COL5A3: variants seen among roughly 807,000 people sequenced by gnomAD.
The protein encoded by COL5A3 is collagen type V alpha 3 chain.
Under a neutral mutation model 250.0 loss-of-function variants are expected in COL5A3, and 172 were observed. That is an observed-to-expected ratio of 0.69 (90% CI 0.61 to 0.78). COL5A3 has a LOEUF of 0.78. Ranked by LOEUF, COL5A3 falls within the 30% of genes least tolerant of loss-of-function variation. COL5A3 has a pLI of 0.00. For missense variants in COL5A3, 2,340 were observed against 2,334.4 expected, an observed-to-expected ratio of 1.00 and a Z score of -0.05; for synonymous variants, 937 against 900.4, an observed-to-expected ratio of 1.04 and a Z score of -0.73.
Position 10,005,776 on chromosome 19 carries a change from C to T in COL5A3, c.437+20G>A. 1.2e-6 allele frequency: 2 copies of T among 1,602,448 alleles called. No homozygotes were observed. Among genetic ancestry groups the T allele is most frequent in the Non-Finnish European group, 1.7e-6 (2 of 1,172,284 alleles). The stretch of plus-strand genomic sequence containing the variant: ...CCCACCCCTTATCCACGGACCCCCG[C>T]CCACTCTCCCCATGCTCACCTGCCA... On this transcript the variant is annotated intron_variant, in intron 3 of 66. Coordinates refer to ENST00000264828, the MANE Select transcript of COL5A3 (RefSeq NM_015719.4).
chr19:9,998,243 C>A, intron 8 of COL5A3, 94 bp from the exon 9 acceptor site: 8 of 1,180,498 alleles, frequency 6.8e-6, no homozygotes, highest in Non-Finnish European at 9.7e-6. Flanking sequence ...CACACACACA[C>A]ACACACACAC....
intron 51 of COL5A3, among the ~76,000 whole-genome samples, chr19:9,972,165 A>C (rs2086857444): frequency 1.3e-5 from 2 of 152,216 alleles, no homozygotes; most frequent in Non-Finnish European, 1.5e-5. Flanking sequence ...TTATTCATCC[A>C]TTAATTTACT....
Position 9,968,315 on chromosome 19 carries a change from C to A in COL5A3, c.4314+70G>T. ...AATCCAGACCCACGTTTCCCAGACC[C>A]CACACCCACAGTCTCTCAACCGACC... On this transcript the variant is annotated intron_variant, in intron 59 of 66. Transcript: ENST00000264828. The surrounding 1 kb of genome is among the most constrained non-coding windows in gnomAD (Gnocchi z 4.1). The A allele has an allele frequency of 7.6e-7, 1 of 1,318,052 alleles. No homozygotes were observed. Among genetic ancestry groups the A allele is most frequent in the Non-Finnish European group, 1.1e-6 (1 of 935,364 alleles). 81.6% of individuals were successfully genotyped at this position (1,318,052 alleles called of 1,614,324 possible).
At chr19:10,001,064 CAA>C (rs1397857565) in intron 8 of COL5A3, among the ~76,000 whole-genome samples, 1 of 152,018 alleles carries the variant, frequency 6.6e-6, no homozygotes, top group African/African-American at 2.4e-5. Flanking sequence ...ACCTATGTAA[CAA>C]GCCTGCACTT....
chr19:10,009,273 G>A lies in COL5A3; in HGVS notation c.88+1025C>T, dbSNP rs2087489846. Among the ~76,000 whole-genome samples, 1 of 151,560 alleles carries A rather than the reference G, an allele frequency of 6.6e-6. No homozygotes were observed. Among genetic ancestry groups the A allele is most frequent in the South Asian group, 2.1e-4 (1 of 4,798 alleles). On this transcript the variant is annotated intron_variant, in intron 1 of 66. Transcript: ENST00000264828. The surrounding 1 kb of genome is among the most constrained non-coding windows in gnomAD (Gnocchi z 4.4). ...CTAGTCTAGGGTCTCTCAGATCAGG[G>A]AAGCCCCATCTCCAACACTTGAGAA...
chr19:9,970,800 T>A, intron 53 of COL5A3, 125 bp from the exon 54 acceptor site: 1 of 980,686 alleles, frequency 1.0e-6, no homozygotes, highest in Non-Finnish European at 1.4e-6. Flanking sequence ...TACTCCCACC[T>A]CCCACCTACT....
intron 61 of COL5A3, 186 bp from the exon 62 acceptor site, chr19:9,967,586 C>A (rs1239158229): frequency 6.8e-6 from 4 of 587,550 alleles, no homozygotes; most frequent in Non-Finnish European, 8.8e-6. Flanking sequence ...ATGCAGTTTT[C>A]AGCATTAGGC....
intron 21 of COL5A3, among the ~76,000 whole-genome samples, chr19:9,992,409 A>T (rs2087207589): frequency 7.1e-6 from 1 of 140,864 alleles, no homozygotes; most frequent in Non-Finnish European, 1.6e-5. Flanking sequence ...AACTCTGTCT[A>T]AAAAAAAAAA....
chr19:9,999,350 T>C (rs911157099), intron 8 of COL5A3, among the ~76,000 whole-genome samples: 1 of 149,340 alleles, frequency 6.7e-6, no homozygotes, highest in African/African-American at 2.5e-5. Context: ...CACAGCACCA[T>C]GCCCAGCTAT....
chr19:10,006,354 T>C (rs959125652), intron 1 of COL5A3, 123 bp from the exon 2 acceptor site: 10 of 927,680 alleles, frequency 1.1e-5, no homozygotes, highest in East Asian at 5.5e-5. Context: ...CCTCCCACCA[T>C]GTTTGTGGCT....
Position 10,006,077 on chromosome 19 carries a change from A to G in COL5A3, c.243T>C (p.Phe81=). The G allele has an allele frequency of 6.2e-7, 1 of 1,613,924 alleles. No homozygotes were observed. The change falls in exon 2 of 67, where the codon TTT becomes TTC. Residue 81 remains phenylalanine, a synonymous_variant. Transcript: ENST00000264828. Reference sequence around the variant, plus strand: ...AGGCCTCCTACTCCAACTCACCTGGAAAGAGTTCCCACGTGGGGATGCCGA... The same window carrying G: ...AGGCCTCCTACTCCAACTCACCTGGGAAGAGTTCCCACGTGGGGATGCCGA... ...STLGIPTWEL[F]PEGHFPENFS... is the part of the protein sequence containing the mutation.
chr19:9,977,132 G>T, intron 44 of COL5A3, 97 bp downstream of exon 44: 1 of 1,220,330 alleles, frequency 8.2e-7, no homozygotes. Flanking sequence ...AAAACTCCAT[G>T]GCCTCTCCTA....
At position 9,986,694 on chromosome 19, in the gene COL5A3, T is replaced by A; in HGVS notation, c.2190+20A>T. 6.2e-7 allele frequency: 1 copy of A among 1,613,578 alleles called. No individual in the cohort carries two copies. On this transcript the variant is annotated intron_variant, in intron 28 of 66. Coordinates refer to ENST00000264828, the MANE Select transcript of COL5A3 (RefSeq NM_015719.4). Reference sequence around the variant, plus strand: ...ATGATTGGGACTCCCTCTCCTCTGATGAGTTCCTTCTCTCCTCACCTTCTC... The same window carrying A: ...ATGATTGGGACTCCCTCTCCTCTGAAGAGTTCCTTCTCTCCTCACCTTCTC...
rs1326941407 is a variant in COL5A3, at chr19:9,979,125, G to A, written c.2874+7C>T. 1 of 1,566,266 alleles carries A rather than the reference G, an allele frequency of 6.4e-7. No individual in the cohort carries two copies. The highest frequency in any genetic ancestry group is 1.4e-5 in the African/African-American group (1 of 72,566). On this transcript the variant is annotated splice_region_variant and intron_variant, in intron 39 of 66. Transcript: ENST00000264828. ...TCAACCAAGATCTCCAGTGGACAGT[G>A]TCTCACCTTGGCCCCCTCTCTGCCT... is the stretch of plus-strand genomic sequence containing the variant.
intron 54 of COL5A3, among the ~76,000 whole-genome samples, 175 bp downstream of exon 54, chr19:9,970,447 A>G (rs1318654309): frequency 3.8e-5 from 1 of 26,514 alleles, no homozygotes; most frequent in Non-Finnish European, 6.8e-5. Flanking sequence ...TCTGTGGGTG[A>G]GTGGGGTCTG....
At chr19:10,003,742 G>C in intron 5 of COL5A3, 28 bp from the exon 6 acceptor site, 1 of 1,613,204 alleles carries the variant, frequency 6.2e-7, no homozygotes, top group Non-Finnish European at 8.5e-7. Context: ...GTCAGGTCTA[G>C]AGCATCCCAC....
chr19:9,964,737 C>T (rs1284079609), intron 64 of COL5A3, among the ~76,000 whole-genome samples: 1 of 151,312 alleles, frequency 6.6e-6, no homozygotes, highest in African/African-American at 2.4e-5. Context: ...GTAAATGTTC[C>T]CTGCAGGCCA....
At position 9,977,421 on chromosome 19, in the gene COL5A3, G is replaced by A; in HGVS notation, c.3178C>T (p.Leu1060=). 6.5e-7 allele frequency: 1 copy of A among 1,530,550 alleles called. No homozygotes were observed. 94.8% of individuals were successfully genotyped at this position (1,530,550 alleles called of 1,614,324 possible). A position where few individuals can be genotyped will look rare whatever the true frequency, so the allele number is the denominator to read the frequency against. ...GCTCCAGGGGGTCCCAGAGGCCCCA[G>A]GGGCCCTGGGATCCCATCTTTGCCA... The part of the protein sequence containing the change: ...PTGKDGIPGP[L]GPLGPPGAAG... The change falls in exon 43 of 67, where the codon CTG becomes TTG. Residue 1060 remains leucine, a synonymous_variant. Transcript: ENST00000264828.
Position 9,977,577 on chromosome 19 carries a change from A to G in COL5A3, c.3126+17T>C. 1 of 1,557,268 alleles carries G rather than the reference A, an allele frequency of 6.4e-7. No individual in the cohort carries two copies. Among genetic ancestry groups the G allele is most frequent in the South Asian group, 1.2e-5 (1 of 82,206 alleles). On this transcript the variant is annotated intron_variant, in intron 42 of 66. Transcript: ENST00000264828. ...ACCCTGAGGAGGCCCTAGGAATGGG[A>G]TGGGCAAGTCACTTACCCGGGACCC...
Sources: gnomAD v4.1 joint callset for allele counts (sites outside exome capture counted in the v4.1 genomes callset) on GRCh38, gnomAD v4.1.1 for gene constraint, Gnocchi (gnomAD v3.1) non-coding constraint, MANE v1.5 for transcripts, NCBI Gene and HGNC (gene_info 2026-07-23, HGNC 2026-07-21) for gene names.